The following CDH2 variants were observed in gnomAD, a reference collection of about 807,000 sequenced individuals.
CDH2 encodes the protein cadherin-2.
A neutral mutation model predicts 92.0 loss-of-function variants in CDH2; 17 were observed. The observed-to-expected ratio is 0.18, with a 90% CI of 0.13 to 0.28. The LOEUF is 0.28. CDH2 is among the 10% of genes least tolerant of loss of function. The pLI is 1.00. For synonymous variants in CDH2, 419 were observed against 415.9 expected (o/e 1.01, Z -0.09); for missense variants, 862 against 1,133.1 (o/e 0.76, Z 3.44).
intron 14 of CDH2, among the ~76,000 whole-genome samples, chr18:27,981,060 A>G (rs1251007701): frequency 1.3e-5 from 2 of 152,170 alleles, no homozygotes; most frequent in Admixed American, 6.5e-5. Flanking sequence ...GTGACATTAA[A>G]TACCCCACGG....
At chr18:28,017,885 A>G (rs1272606900) in intron 2 of CDH2, among the ~76,000 whole-genome samples, 1 of 152,104 alleles carries the variant, frequency 6.6e-6, no homozygotes, top group Non-Finnish European at 1.5e-5. Context: ...CACCACTTCT[A>G]TTCAACACAG....
At chr18:28,022,098 C>T (rs554713684) in intron 2 of CDH2, among the ~76,000 whole-genome samples, 1 of 152,020 alleles carries the variant, frequency 6.6e-6, no homozygotes, top group Admixed American at 6.6e-5. Context: ...AGAATGGTCA[C>T]CACATAACGA....
intron 2 of CDH2, among the ~76,000 whole-genome samples, chr18:28,119,822 T>C (rs1193170804): frequency 6.6e-6 from 1 of 152,086 alleles, no homozygotes; most frequent in Non-Finnish European, 1.5e-5. Context: ...GTAAGTGATA[T>C]GTGTACCTTC....
At chr18:28,067,090 A>C (rs938765216) in intron 2 of CDH2, among the ~76,000 whole-genome samples, 1 of 152,152 alleles carries the variant, frequency 6.6e-6, no homozygotes, top group Non-Finnish European at 1.5e-5. Flanking sequence ...TTATAAAAAA[A>C]CCTTCACAAA....
chr18:28,118,820 T>C (rs2015539301), intron 2 of CDH2, among the ~76,000 whole-genome samples: 1 of 152,066 alleles, frequency 6.6e-6, no homozygotes, highest in Non-Finnish European at 1.5e-5. Flanking sequence ...TACAGTCTAA[T>C]TAAATGGGAA....
rs576466162 is a variant in CDH2, at chr18:28,101,992, C to T, written c.172+45681G>A. ...CTCAAATTGCTCAAGAGAAAAAAAA[C>T]GAGGAATGTGCTGGTTGAGAAGTTA... On this transcript the variant is annotated intron_variant, in intron 2 of 15. Transcript: ENST00000269141. 1.2e-4 allele frequency among the ~76,000 whole-genome samples: 18 copies of T among 152,146 alleles called. No homozygotes were observed. In the East Asian group the frequency reaches 2.5e-3, roughly 21 times the overall value.
intron 2 of CDH2, among the ~76,000 whole-genome samples, chr18:28,019,874 T>C (rs1174177149): frequency 6.6e-6 from 1 of 152,156 alleles, no homozygotes; most frequent in Non-Finnish European, 1.5e-5. Context: ...ATCAGTTGGG[T>C]CAATATCTTA....
At position 28,008,744 on chromosome 18, in the gene CDH2, TA is replaced by T. The variant is rs1034143162; in HGVS notation, c.702+972del. ...GTACCCTAGAACTTAAAGTATAATA[TA>T]AAAAAAAAAAAGAAAAAACTTCAGT... is the stretch of plus-strand genomic sequence containing the variant. On this transcript the variant is annotated intron_variant, in intron 5 of 15. Coordinates refer to ENST00000269141, the MANE Select transcript of CDH2 (RefSeq NM_001792.5). 2.2e-3 allele frequency among the ~76,000 whole-genome samples: 294 copies of T among 131,986 alleles called. 1 individual carries two copies. The highest frequency in any genetic ancestry group is 3.3e-3 in the African/African-American group (120 of 35,972). The allele number at this position is 131,986 out of a possible 152,430, so 86.6% of individuals were successfully genotyped here.
chr18:28,039,223 G>C (rs2013899521), intron 2 of CDH2, among the ~76,000 whole-genome samples: 2 of 152,100 alleles, frequency 1.3e-5, no homozygotes, highest in Non-Finnish European at 2.9e-5. Context: ...CTCCTTGCAT[G>C]AATCCACATT....
At chr18:28,153,318 T>C (rs1013198870) in intron 1 of CDH2, among the ~76,000 whole-genome samples, 28 of 152,226 alleles carry the variant, frequency 1.8e-4, no homozygotes, top group African/African-American at 6.8e-4. Context: ...TTATCTTTGC[T>C]GCTGATTTTG....
At chr18:27,983,827 A>T (rs1008519706) in intron 13 of CDH2, among the ~76,000 whole-genome samples, 10 of 152,352 alleles carry the variant, frequency 6.6e-5, no homozygotes, top group Admixed American at 6.5e-4. Context: ...CTTTCTTGAT[A>T]ACATTGGCAT....
At chr18:28,043,347 G>GTA (rs1426867500) in intron 2 of CDH2, among the ~76,000 whole-genome samples, 3 of 150,726 alleles carry the variant, frequency 2.0e-5, no homozygotes, top group Admixed American at 1.3e-4. Context: ...TACACACTGG[G>GTA]TACAGTGTAC....
intron 2 of CDH2, among the ~76,000 whole-genome samples, chr18:28,116,995 C>G (rs756469957): frequency 1.3e-5 from 2 of 152,094 alleles, no homozygotes; most frequent in African/African-American, 4.8e-5. Flanking sequence ...GATGTGCCCA[C>G]GATCTGATTT....
intron 2 of CDH2, 60 bp downstream of exon 2, chr18:28,147,613 G>A (rs1247219381): frequency 9.6e-7 from 1 of 1,037,238 alleles, no homozygotes. Context: ...CTTTTTTAAT[G>A]GCTAATTTGT....
At chr18:28,103,247 G>GTA (rs1289756566) in intron 2 of CDH2, among the ~76,000 whole-genome samples, 2 of 122,940 alleles carry the variant, frequency 1.6e-5, no homozygotes, top group African/African-American at 3.2e-5. Flanking sequence ...TATATATAAA[G>GTA]TATATATATA....
intron 14 of CDH2, among the ~76,000 whole-genome samples, chr18:27,964,695 G>A (rs2011493942): frequency 6.6e-6 from 1 of 152,170 alleles, no homozygotes; most frequent in South Asian, 2.1e-4. Context: ...GATCCTCTTA[G>A]TACATGTGAT....
At chr18:28,150,850 T>C (rs4800289) in intron 1 of CDH2, among the ~76,000 whole-genome samples, 25,338 of 152,252 alleles carry the variant, frequency 0.17, 2,650 homozygotes, top group Non-Finnish European at 0.23. Flanking sequence ...TAATCTATAA[T>C]GTATTTTCTT....
At chr18:28,041,749 T>C (rs2013952219) in intron 2 of CDH2, among the ~76,000 whole-genome samples, 1 of 152,202 alleles carries the variant, frequency 6.6e-6, no homozygotes, top group South Asian at 2.1e-4. Flanking sequence ...ACTTATGTTC[T>C]ACCTAAGTGC....
At chr18:27,940,409 T>G (rs1477566941) in intron 6 of CDH2, among the ~76,000 whole-genome samples, 1 of 152,204 alleles carries the variant, frequency 6.6e-6, no homozygotes, top group African/African-American at 2.4e-5. Context: ...TTCTAATATG[T>G]AGTAAGTTTA....
Sources: gnomAD v4.1 joint callset for allele counts (sites outside exome capture counted in the v4.1 genomes callset) on GRCh38, gnomAD v4.1.1 for gene constraint, MANE v1.5 for transcripts, NCBI Gene and HGNC (gene_info 2026-07-23, HGNC 2026-07-21) for gene names.